The following SLC25A25 variants were observed in gnomAD, a reference collection of about 807,000 sequenced individuals.
SLC25A25 encodes mitochondrial adenyl nucleotide antiporter SLC25A25.
In SLC25A25, 32 loss-of-function variants were observed where a neutral mutation model predicts 57.7. That is an observed-to-expected ratio of 0.55 (90% CI 0.42 to 0.74). The LOEUF (loss-of-function observed/expected upper bound fraction) is 0.74. Among genes scored for constraint, SLC25A25 ranks in the 30% least tolerant of loss-of-function variants. The probability of loss-of-function intolerance (pLI) is 0.00; values close to 1 mark genes in which losing one functional copy is unlikely to be tolerated. For missense variants in SLC25A25, 556 were observed against 701.3 expected, an observed-to-expected ratio of 0.79 and a Z score of 2.34; for synonymous variants, 306 against 291.2, an observed-to-expected ratio of 1.05 and a Z score of -0.52.
In SLC25A25 at chr9:128,092,755, C is replaced by G. The variant is rs74426036; in HGVS notation, c.262-8341C>G. On this transcript the variant is annotated intron_variant, in intron 1 of 10. Transcript: ENST00000373069. ...AAGGTAAGTGGTAGTATCCCCATTTCGTAGATGAAGAAACTGAGGTGCAGA... is the reference window on the plus strand; with the variant it reads ...AAGGTAAGTGGTAGTATCCCCATTTGGTAGATGAAGAAACTGAGGTGCAGA... Among the ~76,000 whole-genome samples the G allele has an allele frequency of 4.3e-3, 654 of 152,256 alleles. 4 individuals carry two copies. Among genetic ancestry groups the G allele is most frequent in the Admixed American group, 0.013 (198 of 15,292 alleles).
In SLC25A25 at chr9:128,107,630, A is replaced by G; in HGVS notation, c.*186A>G. On this transcript the variant is annotated 3_prime_UTR_variant, in exon 11 of 11. Coordinates refer to ENST00000373069, the MANE Select transcript of SLC25A25 (RefSeq NM_001330988.2). ...CAGGGCTTGTCCTGCTGACCCCAGC[A>G]GACCCTCCTGTTGGTTCCAGCGAAG... is the stretch of plus-strand genomic sequence containing the variant. The G allele has an allele frequency of 1.7e-6, 1 of 585,840 alleles. No individual in the cohort carries two copies. Among genetic ancestry groups the G allele is most frequent in the Non-Finnish European group, 2.7e-6 (1 of 368,970 alleles). The allele number at this position is 585,840 out of a possible 1,614,324, so 36.3% of individuals were successfully genotyped here.
chr9:128,070,631 T>A (rs1227679749), intron 1 of SLC25A25, among the ~76,000 whole-genome samples: 1 of 152,060 alleles, frequency 6.6e-6, no homozygotes, highest in Non-Finnish European at 1.5e-5. Flanking sequence ...TTTTCCTGTA[T>A]GTATCTGATG....
intron 1 of SLC25A25, among the ~76,000 whole-genome samples, chr9:128,078,941 A>G (rs1169775099): frequency 6.6e-6 from 1 of 151,954 alleles, no homozygotes; most frequent in Non-Finnish European, 1.5e-5. Context: ...CCTGTGCATA[A>G]CTCTGTCTCA....
chr9:128,072,028 C>G (rs1299799276), intron 1 of SLC25A25, among the ~76,000 whole-genome samples: 1 of 152,198 alleles, frequency 6.6e-6, no homozygotes, highest in Non-Finnish European at 1.5e-5. Flanking sequence ...GACTGTATTT[C>G]TACTACTTTT....
At chr9:128,089,484 C>T (rs923754257) in intron 1 of SLC25A25, among the ~76,000 whole-genome samples, 2 of 152,098 alleles carry the variant, frequency 1.3e-5, no homozygotes, top group Admixed American at 6.6e-5. Flanking sequence ...TGGGGTCTGG[C>T]TCCAGTGACT....
chr9:128,098,366 C>G (rs1001056455), intron 1 of SLC25A25: 1 of 1,024,722 alleles, frequency 9.8e-7, no homozygotes, highest in Non-Finnish European at 1.3e-6. Context: ...CCTTCTCCCC[C>G]GGGCTCTGTG....
chr9:128,091,270 G>A (rs934719484), intron 1 of SLC25A25: 1 of 216,206 alleles, frequency 4.6e-6, no homozygotes, highest in Admixed American at 6.5e-5. Flanking sequence ...TCTGTAAGCT[G>A]AGCCTCATCT....
In SLC25A25 at chr9:128,082,760, C is replaced by G. The variant is rs972965075; in HGVS notation, c.261+14180C>G. 1.3e-5 allele frequency among the ~76,000 whole-genome samples: 2 copies of G among 152,162 alleles called. 1 individual carries two copies. The highest frequency in any genetic ancestry group is 1.3e-4 in the Admixed American group (2 of 15,272). The stretch of plus-strand genomic sequence containing the variant: ...TCCCGGATTCAAGGGATTCTCCTGC[C>G]TCAACCTCCCAAGTAGCTAGAATCA... On this transcript the variant is annotated intron_variant, in intron 1 of 10. Transcript: ENST00000373069.
chr9:128,084,260 ATTT>A (rs58266648), intron 1 of SLC25A25, among the ~76,000 whole-genome samples: 131 of 140,346 alleles, frequency 9.3e-4, no homozygotes, highest in Middle Eastern at 3.5e-3. Context: ...ATTAAAACAG[ATTT>A]TTTTTTTTTT....
chr9:128,107,479 TC>T lies in SLC25A25; in HGVS notation c.*37del. ...GGCCGCCCGGCAGTGGACTCGCTGA[TC>T]CTGGGCCGCAGCCTGGGGTGTGCAG... On this transcript the variant is annotated 3_prime_UTR_variant, in exon 11 of 11. Coordinates refer to ENST00000373069, the MANE Select transcript of SLC25A25 (RefSeq NM_001330988.2). 1 of 1,503,474 alleles carries T rather than the reference TC, an allele frequency of 6.7e-7. No individual in the cohort carries two copies. The highest frequency in any genetic ancestry group is 8.9e-7 in the Non-Finnish European group (1 of 1,126,090). 93.1% of individuals were successfully genotyped at this position (1,503,474 alleles called of 1,614,324 possible). A position where few individuals can be genotyped will look rare whatever the true frequency, so the allele number is the denominator to read the frequency against.
Position 128,107,053 on chromosome 9 carries a change from C to T in SLC25A25, c.1237C>T (p.His413Tyr). The T allele has an allele frequency of 6.2e-7, 1 of 1,614,108 alleles. No individual in the cohort carries two copies. Among genetic ancestry groups the T allele is most frequent in the South Asian group, 1.1e-5 (1 of 91,084 alleles). ...YETLKNAWLQ[H>Y]YAVNSADPGV... ...GACGCTCAAGAATGCCTGGCTGCAGCACTATGCAGTGAACAGCGCGGACCC... is the reference window on the plus strand; with the variant it reads ...GACGCTCAAGAATGCCTGGCTGCAGTACTATGCAGTGAACAGCGCGGACCC... Residue 413 changes from histidine (H) to tyrosine (Y), a missense_variant, in exon 10 of 11, where the codon CAC (histidine) becomes TAC (tyrosine). By Grantham distance (83) the His-to-Tyr change is moderately conservative. Around this residue, in one of 3 missense-constraint regions of SLC25A25, gnomAD observed 294 missense variants for 389.6 expected, o/e 0.75. Transcript: ENST00000373069.
intron 1 of SLC25A25, among the ~76,000 whole-genome samples, chr9:128,097,098 T>C (rs1007258508): frequency 2.0e-5 from 3 of 152,256 alleles, no homozygotes; most frequent in Non-Finnish European, 4.4e-5. Flanking sequence ...TCCTTTTACT[T>C]CTGTGATCCC....
intron 6 of SLC25A25, among the ~76,000 whole-genome samples, chr9:128,104,772 C>T (rs1482007914): frequency 6.6e-6 from 1 of 151,932 alleles, no homozygotes; most frequent in Non-Finnish European, 1.5e-5. Context: ...AGTGGGCATT[C>T]ATTCTATTTT....
intron 1 of SLC25A25, among the ~76,000 whole-genome samples, chr9:128,069,918 A>AT (rs758820179): frequency 0.099 from 10,247 of 102,998 alleles, 1,478 homozygotes; most frequent in East Asian, 0.34. Context: ...CACCCAGCTA[A>AT]TTTTTTTTTT....
intron 6 of SLC25A25, among the ~76,000 whole-genome samples, chr9:128,105,231 C>T (rs1198965610): frequency 7.4e-6 from 1 of 135,106 alleles, no homozygotes; most frequent in Non-Finnish European, 1.5e-5. Flanking sequence ...AGTACAGGGG[C>T]GCGATCTTGG....
At chr9:128,100,669 A>G (rs993602485) in intron 1 of SLC25A25, among the ~76,000 whole-genome samples, 9 of 152,152 alleles carry the variant, frequency 5.9e-5, no homozygotes, top group African/African-American at 2.2e-4. Flanking sequence ...GCCATCCCCA[A>G]GTCTCAGCAG....
intron 1 of SLC25A25, chr9:128,091,496 T>C: frequency 1.0e-6 from 1 of 988,362 alleles, no homozygotes; most frequent in Non-Finnish European, 1.2e-6. Context: ...GAGCTCGAAG[T>C]TGCTTGCTGC....
chr9:128,072,397 C>T (rs1468690749), intron 1 of SLC25A25, among the ~76,000 whole-genome samples: 5 of 152,156 alleles, frequency 3.3e-5, no homozygotes, highest in Non-Finnish European at 5.9e-5. Context: ...CTTCCTATGG[C>T]CCATATGAAA....
intron 1 of SLC25A25, among the ~76,000 whole-genome samples, chr9:128,079,632 C>T (rs913421373): frequency 6.8e-6 from 1 of 146,726 alleles, no homozygotes; most frequent in Admixed American, 6.8e-5. Context: ...AAAAAATTAG[C>T]CGGGCCTGGT....
Sources: gnomAD v4.1 joint callset for allele counts (sites outside exome capture counted in the v4.1 genomes callset) on GRCh38, gnomAD v4.1.1 for gene constraint, gnomAD v4.1.1 regional missense constraint, MANE v1.5 for transcripts, NCBI Gene and HGNC (gene_info 2026-07-23, HGNC 2026-07-21) for gene names.